The following SAG variants were observed in gnomAD, a reference collection of about 807,000 sequenced individuals.
SAG encodes S-antigen visual arrestin, also known as S-arrestin.
In SAG, 45 loss-of-function variants were observed where a neutral mutation model predicts 55.0. That is an observed-to-expected ratio of 0.82 (90% CI 0.64 to 1.05). SAG has a LOEUF of 1.05. Among genes scored for constraint, SAG ranks in the 50% least tolerant of loss-of-function variants. The probability of loss-of-function intolerance (pLI) is 0.00; values close to 1 mark genes in which losing one functional copy is unlikely to be tolerated. For synonymous variants in SAG, 189 were observed against 197.4 expected, an observed-to-expected ratio of 0.96 and a Z score of 0.36; for missense variants, 455 against 512.1, an observed-to-expected ratio of 0.89 and a Z score of 1.08.
chr2:233,324,045 C>T (rs1318130862), intron 6 of SAG, among the ~76,000 whole-genome samples: 3 of 152,098 alleles, frequency 2.0e-5, no homozygotes, highest in East Asian at 1.9e-4. Flanking sequence ...GGGCGCACCT[C>T]GCCTGGTGTG....
intron 15 of SAG, 58 bp downstream of exon 15, chr2:233,346,470 C>A: frequency 6.3e-7 from 1 of 1,575,738 alleles, no homozygotes; most frequent in Non-Finnish European, 8.7e-7. Context: ...ACCTTCTCCT[C>A]CAGCACAAAA....
Position 233,332,877 on chromosome 2 carries a change from G to A in SAG, c.806+1165G>A, listed in dbSNP as rs1574947103. 3.3e-5 allele frequency: 5 copies of A among 152,184 alleles called. No homozygotes were observed. In the South Asian group the frequency reaches 1.0e-3, roughly 31 times the overall value. 9.4% of individuals were successfully genotyped at this position (152,184 alleles called of 1,614,324 possible). A position where few individuals can be genotyped will look rare whatever the true frequency, so the allele number is the denominator to read the frequency against. ...GGGGTTTCACCATGTTAGCCAGGCT[G>A]GTCTCGAACTCCTGACCTCAGGTGA... On this transcript the variant is annotated intron_variant, in intron 10 of 15. Transcript: ENST00000409110.
intron 8 of SAG, chr2:233,329,234 C>A: frequency 4.5e-6 from 2 of 440,106 alleles, no homozygotes; most frequent in Non-Finnish European, 8.3e-6. Context: ...CTTCACTCAT[C>A]CTGCCCCCAT....
chr2:233,335,127 C>T (rs1700883601), intron 11 of SAG, 28 bp downstream of exon 11: 1 of 1,598,754 alleles, frequency 6.3e-7, no homozygotes. Context: ...AGGGAATAAG[C>T]CCTGGCAGGG....
chr2:233,311,682 G>C (rs968911678), intron 2 of SAG, among the ~76,000 whole-genome samples: 1 of 152,100 alleles, frequency 6.6e-6, no homozygotes, highest in Non-Finnish European at 1.5e-5. Context: ...TGTCCTTCCT[G>C]TTGCAGTGGA....
At chr2:233,328,426 C>G (rs1700640337) in intron 7 of SAG, 52 bp from the exon 8 acceptor site, 2 of 1,591,770 alleles carry the variant, frequency 1.3e-6, no homozygotes, top group African/African-American at 2.7e-5. Context: ...AGAAGCCTCC[C>G]TAAAGCGGCC....
chr2:233,328,489 G>A lies in SAG; in HGVS notation c.524G>A (p.Arg175Gln), dbSNP rs763815691. The A allele has an allele frequency of 1.7e-5, 27 of 1,613,596 alleles. No individual in the cohort carries two copies. Among genetic ancestry groups the A allele is most frequent in the South Asian group, 5.5e-5 (5 of 91,058 alleles). ...GCTGTTTCCCACAGGAGCTCCGTGC[G>A]ATTACTGATCCGCAAAGTACAGCAT... ...EDKIPKKSSVRLLIRKVQHAP... is the reference protein window; with the variant it reads ...EDKIPKKSSVQLLIRKVQHAP... Residue 175 changes from arginine to glutamine, a missense_variant, in exon 8 of 16, where the codon CGA becomes CAA. Coordinates refer to ENST00000409110, the MANE Select transcript of SAG (RefSeq NM_000541.5).
intron 8 of SAG, 41 bp from the exon 9 acceptor site, chr2:233,329,452 C>A: frequency 8.2e-7 from 1 of 1,220,116 alleles, no homozygotes; most frequent in Non-Finnish European, 1.2e-6. Flanking sequence ...GACACCGCCA[C>A]ATCTGTTCTC....
At chr2:233,336,341 C>G (rs1700926529) in intron 11 of SAG, among the ~76,000 whole-genome samples, 1 of 151,984 alleles carries the variant, frequency 6.6e-6, no homozygotes, top group African/African-American at 2.4e-5. Context: ...ATGGTGAAAC[C>G]CTGTCTCTAC....
At chr2:233,328,252 C>T in intron 7 of SAG, 1 of 466,646 alleles carries the variant, frequency 2.1e-6, no homozygotes, top group South Asian at 4.5e-5. Context: ...GTTGCCTGGC[C>T]CCACAGCTTC....
chr2:233,327,435 G>C (rs1700598341), intron 7 of SAG: 1 of 397,306 alleles, frequency 2.5e-6, no homozygotes, highest in Non-Finnish European at 4.6e-6. Flanking sequence ...AAAGCTCCCG[G>C]GTTTCCCCTT....
intron 2 of SAG, among the ~76,000 whole-genome samples, chr2:233,313,249 C>G (rs1406730020): frequency 2.6e-5 from 4 of 152,148 alleles, no homozygotes; most frequent in African/African-American, 9.7e-5. Context: ...GAAAGTGCAG[C>G]AGAAGGGCCT....
At chr2:233,311,998 T>C (rs1029565772) in intron 2 of SAG, among the ~76,000 whole-genome samples, 2 of 152,096 alleles carry the variant, frequency 1.3e-5, no homozygotes, top group African/African-American at 2.4e-5. Context: ...TGGTGGTGCA[T>C]GCCTGTAATC....
At position 233,331,709 on chromosome 2, in the gene SAG, C is replaced by A; in HGVS notation, c.803C>A (p.Ala268Glu). Residue 268 changes from alanine to glutamate, a missense_variant, in exon 10 of 16, where the codon GCG (alanine) becomes GAG (glutamate). By Grantham distance (107) the Ala-to-Glu change is moderately radical (BLOSUM62 -1). Coordinates refer to ENST00000409110, the MANE Select transcript of SAG (RefSeq NM_000541.5). Reference sequence around the variant, plus strand: ...GTCAAGCCCGTGGCTATGGAGGAAGCGCAGTGAGTAGCTGTTGGGGTTTCC... The same window carrying A: ...GTCAAGCCCGTGGCTATGGAGGAAGAGCAGTGAGTAGCTGTTGGGGTTTCC... ...YYVKPVAMEE[A>E]QEKVPPNSTL... 4 of 1,611,446 alleles carry A rather than the reference C, an allele frequency of 2.5e-6. No individual in the cohort carries two copies. The highest frequency in any genetic ancestry group is 2.5e-6 in the Non-Finnish European group (3 of 1,177,772).
chr2:233,336,126 G>C (rs1334024283), intron 11 of SAG, among the ~76,000 whole-genome samples: 1 of 152,226 alleles, frequency 6.6e-6, no homozygotes, highest in East Asian at 1.9e-4. Flanking sequence ...TGAGAGCCTA[G>C]ATCAATGTAT....
At chr2:233,333,681 T>G (rs914117059) in intron 10 of SAG, 3 of 152,224 alleles carry the variant, frequency 2.0e-5, no homozygotes, top group Non-Finnish European at 4.4e-5. Context: ...CATAGTCCTT[T>G]GGCAAGCTCT....
At chr2:233,325,297 A>G (rs1700515985) in intron 6 of SAG, among the ~76,000 whole-genome samples, 2 of 151,440 alleles carry the variant, frequency 1.3e-5, no homozygotes, top group South Asian at 4.2e-4. Context: ...CGGAGGTTGC[A>G]GTGAACTGAA....
chr2:233,309,182 C>G lies in SAG; in HGVS notation c.-8C>G, dbSNP rs1700010862. Reference sequence around the variant, plus strand: ...CCAAGGTGGTAGAAGTTGCCAGGGACAGATAACATGGCAGCCAGCGGGAAG... The same window carrying G: ...CCAAGGTGGTAGAAGTTGCCAGGGAGAGATAACATGGCAGCCAGCGGGAAG... On this transcript the variant is annotated 5_prime_UTR_variant, in exon 2 of 16. Coordinates refer to ENST00000409110, the MANE Select transcript of SAG (RefSeq NM_000541.5). The G allele has an allele frequency of 1.9e-6, 3 of 1,612,616 alleles. No individual in the cohort carries two copies. The highest frequency in any genetic ancestry group is 1.3e-5 in the African/African-American group (1 of 74,862).
chr2:233,342,176 G>A (rs1701124917), intron 13 of SAG, 95 bp from the exon 14 acceptor site: 3 of 925,866 alleles, frequency 3.2e-6, no homozygotes, highest in African/African-American at 3.3e-5. Context: ...TGGGCCTGGG[G>A]ATCTTTTGTG....
Sources: gnomAD v4.1 joint callset for allele counts (sites outside exome capture counted in the v4.1 genomes callset) on GRCh38, gnomAD v4.1.1 for gene constraint, MANE v1.5 for transcripts, NCBI Gene and HGNC (gene_info 2026-07-23, HGNC 2026-07-21) for gene names.